The following NKAIN2 variants were observed in gnomAD, a reference collection of about 807,000 sequenced individuals.
The protein encoded by NKAIN2 is sodium/potassium-transporting ATPase subunit beta-1-interacting protein 2.
Under a neutral mutation model 32.6 loss-of-function variants are expected in NKAIN2, and 14 were observed. That is an observed-to-expected ratio of 0.43 (90% CI 0.28 to 0.67). The LOEUF (loss-of-function observed/expected upper bound fraction) is 0.67, where lower values mean the gene tolerates loss of function less well. Ranked by LOEUF, NKAIN2 falls within the 30% of genes least tolerant of loss-of-function variation. The pLI, the probability that NKAIN2 is intolerant of heterozygous loss-of-function variation, is 0.17. For synonymous variants in NKAIN2, 80 were observed against 87.2 expected, an observed-to-expected ratio of 0.92 and a Z score of 0.46; for missense variants, 198 against 258.3, an observed-to-expected ratio of 0.77 and a Z score of 1.60.
intron 1 of NKAIN2, among the ~76,000 whole-genome samples, chr6:124,064,660 A>T (rs748458185): frequency 6.6e-6 from 1 of 152,204 alleles, no homozygotes; most frequent in African/African-American, 2.4e-5. Flanking sequence ...AACATTTGAC[A>T]TCTGGGCCAA....
chr6:124,774,266 T>C (rs2114767145), intron 4 of NKAIN2, among the ~76,000 whole-genome samples: 1 of 151,800 alleles, frequency 6.6e-6, no homozygotes, highest in South Asian at 2.1e-4. Flanking sequence ...TTAAAAACGG[T>C]CAGATTCTGA....
At chr6:123,960,831 G>A (rs921490338) in intron 1 of NKAIN2, among the ~76,000 whole-genome samples, 5 of 151,772 alleles carry the variant, frequency 3.3e-5, no homozygotes, top group Middle Eastern at 3.2e-3. Flanking sequence ...TCTGATACAC[G>A]GTGTAGAGTA....
chr6:124,432,117 T>C (rs1231159935), intron 3 of NKAIN2, among the ~76,000 whole-genome samples: 2 of 152,194 alleles, frequency 1.3e-5, no homozygotes, highest in Non-Finnish European at 2.9e-5. Flanking sequence ...ATTGTGTACA[T>C]GCCTTGTACA....
At chr6:124,811,312 G>A (rs1194053282) in intron 5 of NKAIN2, among the ~76,000 whole-genome samples, 9 of 152,060 alleles carry the variant, frequency 5.9e-5, no homozygotes, top group Admixed American at 5.2e-4. Context: ...TCTCCAAAAG[G>A]GAGTATGTTG....
intron 1 of NKAIN2, among the ~76,000 whole-genome samples, chr6:124,115,602 T>C (rs1249373185): frequency 6.6e-6 from 1 of 152,148 alleles, no homozygotes; most frequent in Non-Finnish European, 1.5e-5. Context: ...TTAAGAATTT[T>C]TATATTTTAG....
At chr6:124,790,331 G>A (rs961585550) in intron 4 of NKAIN2, among the ~76,000 whole-genome samples, 3 of 151,888 alleles carry the variant, frequency 2.0e-5, no homozygotes, top group African/African-American at 7.3e-5. Flanking sequence ...TAGGCTTGTC[G>A]TGGCGGTTCC....
chr6:124,567,656 G>C (rs1780969525), intron 3 of NKAIN2, among the ~76,000 whole-genome samples: 1 of 152,216 alleles, frequency 6.6e-6, no homozygotes, highest in African/African-American at 2.4e-5. Context: ...GCTGATCTCA[G>C]TGAGGATCAC....
chr6:124,089,990 A>G (rs1784349229), intron 1 of NKAIN2, among the ~76,000 whole-genome samples: 1 of 151,930 alleles, frequency 6.6e-6, no homozygotes. Context: ...TCCATTATGA[A>G]TAGTTGCATA....
At chr6:124,390,251 G>A (rs766822176) in intron 3 of NKAIN2, among the ~76,000 whole-genome samples, 28 of 152,010 alleles carry the variant, frequency 1.8e-4, no homozygotes, top group Admixed American at 5.2e-4. Context: ...TTTAACAAAC[G>A]TTTCTTATTT....
chr6:124,654,780 T>C (rs1189404452), intron 3 of NKAIN2, among the ~76,000 whole-genome samples: 3 of 152,138 alleles, frequency 2.0e-5, no homozygotes, highest in African/African-American at 7.2e-5. Flanking sequence ...ATTAGGGTGA[T>C]GGTTCTACAA....
chr6:124,598,929 C>T (rs1782201324), intron 3 of NKAIN2, among the ~76,000 whole-genome samples: 1 of 151,820 alleles, frequency 6.6e-6, no homozygotes, highest in South Asian at 2.1e-4. Context: ...ATCTTTTGTT[C>T]AGAAAGAAAC....
chr6:124,771,274 T>C (rs576342362), intron 4 of NKAIN2, among the ~76,000 whole-genome samples: 4 of 152,312 alleles, frequency 2.6e-5, no homozygotes, highest in African/African-American at 9.6e-5. Context: ...ATATTGTTTA[T>C]AGAAGAATTA....
At chr6:124,494,907 T>C (rs1415475041) in intron 3 of NKAIN2, among the ~76,000 whole-genome samples, 1 of 152,106 alleles carries the variant, frequency 6.6e-6, no homozygotes, top group Non-Finnish European at 1.5e-5. Flanking sequence ...TGAATACTTT[T>C]CTGAGGCCAT....
intron 3 of NKAIN2, among the ~76,000 whole-genome samples, chr6:124,530,574 T>A (rs1407389346): frequency 3.3e-5 from 5 of 152,140 alleles, no homozygotes. Context: ...AAGGGTCAAC[T>A]GTGTGTAGAC....
rs144524674 is a variant in NKAIN2, at chr6:124,679,991, A to G, written c.474+21605A>G. 7.2e-4 allele frequency among the ~76,000 whole-genome samples: 110 copies of G among 152,284 alleles called. 2 individuals carry two copies. The East Asian group carries it at 0.015, about 21-fold the overall frequency. On this transcript the variant is annotated intron_variant, in intron 4 of 6. Coordinates refer to ENST00000368417, the MANE Select transcript of NKAIN2 (RefSeq NM_001040214.3). ...GAAACCACTGTAAGTGTCTAAATAG[A>G]TAAGAAAGCAAGAGATATCATTATT...
intron 3 of NKAIN2, among the ~76,000 whole-genome samples, chr6:124,408,618 A>G (rs1773989222): frequency 6.6e-6 from 1 of 152,190 alleles, no homozygotes; most frequent in African/African-American, 2.4e-5. Flanking sequence ...TAAAGTTTGA[A>G]GTCAGGTAGT....
intron 4 of NKAIN2, among the ~76,000 whole-genome samples, chr6:124,699,376 C>T (rs996143321): frequency 6.6e-6 from 1 of 152,150 alleles, no homozygotes; most frequent in Admixed American, 6.5e-5. Flanking sequence ...AAGTGCCTTC[C>T]TAGTGACCCA....
chr6:124,588,565 T>A (rs935354153), intron 3 of NKAIN2, among the ~76,000 whole-genome samples: 2 of 152,198 alleles, frequency 1.3e-5, no homozygotes, highest in African/African-American at 2.4e-5. Flanking sequence ...GAGAGGTCAG[T>A]TCAATAAATG....
At chr6:124,191,744 A>G (rs1398202676) in intron 1 of NKAIN2, among the ~76,000 whole-genome samples, 2 of 152,194 alleles carry the variant, frequency 1.3e-5, no homozygotes, top group African/African-American at 4.8e-5. Context: ...GGCTTTACAA[A>G]GTTGAAGTGT....
Sources: allele counts gnomAD v4.1 joint callset (sites outside exome capture counted in the v4.1 genomes callset), GRCh38; gene constraint gnomAD v4.1.1; transcripts MANE v1.5; gene names NCBI Gene and HGNC (gene_info 2026-07-23, HGNC 2026-07-21).